The following CADM2 variants were observed in gnomAD, a reference collection of about 807,000 sequenced individuals.
The protein encoded by CADM2 is cell adhesion molecule 2.
In CADM2, 12 loss-of-function variants were observed where a neutral mutation model predicts 49.8. The ratio of observed to expected loss-of-function variants is 0.24; its 90% CI spans 0.15 to 0.39. The LOEUF (loss-of-function observed/expected upper bound fraction) is 0.39, where lower values mean the gene tolerates loss of function less well. CADM2 is among the 10% of genes least tolerant of loss of function. The pLI, the probability that CADM2 is intolerant of heterozygous loss-of-function variation, is 1.00. For missense variants in CADM2, 378 were observed against 492.3 expected (o/e 0.77, Z 2.20); for synonymous variants, 214 against 175.4 (o/e 1.22, Z -1.74).
At chr3:85,915,925 C>G (rs1263338859) in intron 6 of CADM2, among the ~76,000 whole-genome samples, 2 of 151,998 alleles carry the variant, frequency 1.3e-5, no homozygotes, top group Admixed American at 1.3e-4. Flanking sequence ...TAAAAATCCT[C>G]TGATATTGTA....
chr3:85,396,479 A>G lies in CADM2; in HGVS notation c.62-330043A>G, dbSNP rs115724935. ...CTTAAATAAATATATTTTTCTTTACACTATATTTTAAATTATTGCAGCAAC... is the reference window on the plus strand; with the variant it reads ...CTTAAATAAATATATTTTTCTTTACGCTATATTTTAAATTATTGCAGCAAC... On this transcript the variant is annotated intron_variant, in intron 1 of 9. Transcript: ENST00000383699. Among the ~76,000 whole-genome samples the G allele has an allele frequency of 9.0e-3, 1,365 of 152,088 alleles. 17 individuals carry two copies. The highest frequency in any genetic ancestry group is 0.03 in the African/African-American group (1,237 of 41,536).
intron 5 of CADM2, among the ~76,000 whole-genome samples, chr3:85,911,898 G>A (rs1717639738): frequency 6.6e-6 from 1 of 151,372 alleles, no homozygotes; most frequent in African/African-American, 2.4e-5. Flanking sequence ...AATATTTCTG[G>A]ATCTAGCTCT....
At chr3:85,190,345 G>T (rs1168521569) in intron 1 of CADM2, among the ~76,000 whole-genome samples, 1 of 151,666 alleles carries the variant, frequency 6.6e-6, no homozygotes, top group South Asian at 2.1e-4. Context: ...ATCATATTTT[G>T]GTCTTCTCTT....
chr3:85,958,950 A>G (rs1005926151), intron 7 of CADM2, among the ~76,000 whole-genome samples: 2 of 151,734 alleles, frequency 1.3e-5, no homozygotes, highest in Admixed American at 1.3e-4. Context: ...TGGATGCAGG[A>G]AAACACCATG....
At chr3:85,291,912 T>A (rs963739546) in intron 1 of CADM2, among the ~76,000 whole-genome samples, 1 of 151,414 alleles carries the variant, frequency 6.6e-6, no homozygotes, top group Non-Finnish European at 1.5e-5. Context: ...AACATCATAA[T>A]GACAGGATCA....
intron 3 of CADM2, among the ~76,000 whole-genome samples, chr3:85,805,026 C>T (rs963240421): frequency 2.6e-5 from 4 of 152,074 alleles, no homozygotes; most frequent in African/African-American, 4.8e-5. Flanking sequence ...CTGCATCCTC[C>T]GCTTCCTCGG....
rs11928694 is a variant in CADM2, at chr3:85,958,572, C to G, written c.792-2897C>G. ...GGTATATACCCAAAGGAATATAAATCATTCTAATGTAAAGACACATGCACA... is the reference window on the plus strand; with the variant it reads ...GGTATATACCCAAAGGAATATAAATGATTCTAATGTAAAGACACATGCACA... On this transcript the variant is annotated intron_variant, in intron 7 of 9. Coordinates refer to ENST00000383699, the MANE Select transcript of CADM2 (RefSeq NM_001167675.2). 3.2e-3 allele frequency among the ~76,000 whole-genome samples: 487 copies of G among 152,066 alleles called. 6 individuals carry two copies. The highest frequency in any genetic ancestry group is 0.011 in the African/African-American group (454 of 41,546).
chr3:85,343,455 T>C (rs985358067), intron 1 of CADM2, among the ~76,000 whole-genome samples: 2 of 152,178 alleles, frequency 1.3e-5, no homozygotes, highest in Admixed American at 1.3e-4. Flanking sequence ...AGTTTATCAC[T>C]GAATACCATA....
intron 2 of CADM2, among the ~76,000 whole-genome samples, chr3:85,757,489 T>G (rs1020335097): frequency 1.3e-5 from 2 of 152,038 alleles, no homozygotes; most frequent in African/African-American, 4.8e-5. Context: ...TAGAGTGTGA[T>G]AAATGTTAGG....
chr3:85,112,314 A>C (rs1256129218), intron 1 of CADM2, among the ~76,000 whole-genome samples: 4 of 151,658 alleles, frequency 2.6e-5, no homozygotes, highest in Non-Finnish European at 5.9e-5. Context: ...GAATAAAATC[A>C]CAGAATACTG....
At chr3:84,977,166 G>T (rs57471642) in intron 1 of CADM2, among the ~76,000 whole-genome samples, 3,153 of 152,020 alleles carry the variant, frequency 0.021, 126 homozygotes, top group African/African-American at 0.072. Context: ...TATACTGAAA[G>T]AAATCAGAAT....
At chr3:85,762,338 ATTTGTTTGTTTG>A (rs375280416) in intron 2 of CADM2, among the ~76,000 whole-genome samples, 1 of 151,758 alleles carries the variant, frequency 6.6e-6, no homozygotes, top group East Asian at 1.9e-4. Flanking sequence ...TTGTTTGTTC[ATTTGTTTGTTTG>A]TTTGTTTGTT....
At chr3:86,022,649 A>G (rs1284414857) in intron 8 of CADM2, among the ~76,000 whole-genome samples, 1 of 152,090 alleles carries the variant, frequency 6.6e-6, no homozygotes, top group Non-Finnish European at 1.5e-5. Flanking sequence ...AATATGCATA[A>G]TAGCCATTTT....
At chr3:86,055,371 T>C (rs1737795806) in intron 8 of CADM2, among the ~76,000 whole-genome samples, 1 of 151,950 alleles carries the variant, frequency 6.6e-6, no homozygotes, top group Non-Finnish European at 1.5e-5. Flanking sequence ...GCCTGCTTTT[T>C]GGTTCATAGA....
intron 3 of CADM2, among the ~76,000 whole-genome samples, chr3:85,815,268 C>T (rs1047732564): frequency 3.9e-5 from 6 of 152,068 alleles, no homozygotes; most frequent in Non-Finnish European, 8.8e-5. Flanking sequence ...ATCCTGATAC[C>T]AAAACCTGGC....
chr3:85,948,313 G>C (rs1032160083), intron 7 of CADM2, among the ~76,000 whole-genome samples: 1 of 151,286 alleles, frequency 6.6e-6, no homozygotes, highest in African/African-American at 2.4e-5. Context: ...AATAAGATTT[G>C]CACTTTTTTT....
chr3:86,046,774 AC>A (rs1026659351), intron 8 of CADM2, among the ~76,000 whole-genome samples: 1 of 149,904 alleles, frequency 6.7e-6, no homozygotes, highest in African/African-American at 2.5e-5. Flanking sequence ...CGTCTTAAAC[AC>A]CCCCAACCCC....
intron 1 of CADM2, among the ~76,000 whole-genome samples, chr3:85,087,125 G>A (rs1308504155): frequency 1.3e-5 from 2 of 152,138 alleles, no homozygotes; most frequent in African/African-American, 2.4e-5. Context: ...TCTGATGACA[G>A]CAGAAAAAGG....
At chr3:85,682,145 G>A (rs1212054882) in intron 1 of CADM2, among the ~76,000 whole-genome samples, 2 of 152,108 alleles carry the variant, frequency 1.3e-5, no homozygotes, top group African/African-American at 4.8e-5. Flanking sequence ...ACAGCTAAAA[G>A]TCATAGTTGG....
Sources: allele counts gnomAD v4.1 joint callset (sites outside exome capture counted in the v4.1 genomes callset), GRCh38; gene constraint gnomAD v4.1.1; transcripts MANE v1.5; gene names NCBI Gene and HGNC (gene_info 2026-07-23, HGNC 2026-07-21).